The following THSD7B variants were observed in gnomAD, a reference collection of about 807,000 sequenced individuals.
The protein encoded by THSD7B is thrombospondin type-1 domain-containing protein 7B.
Under a neutral mutation model 213.6 loss-of-function variants are expected in THSD7B, and 138 were observed. The observed-to-expected ratio is 0.65, with a 90% CI of 0.56 to 0.74. THSD7B has a LOEUF of 0.74. THSD7B is among the 30% of genes least tolerant of loss of function. The pLI, the probability that THSD7B is intolerant of heterozygous loss-of-function variation, is 0.00. For missense variants in THSD7B, 1,931 were observed against 1,991.5 expected (o/e 0.97, Z 0.58); for synonymous variants, 742 against 687.0 (o/e 1.08, Z -1.25).
intron 7 of THSD7B, among the ~76,000 whole-genome samples, chr2:137,171,244 A>C (rs1386152081): frequency 1.3e-5 from 2 of 152,194 alleles, no homozygotes; most frequent in African/African-American, 2.4e-5. Context: ...ATAGTGTTCA[A>C]CTTATCAATA....
intron 14 of THSD7B, among the ~76,000 whole-genome samples, chr2:137,435,410 C>A (rs569756888): frequency 2.0e-4 from 31 of 152,302 alleles, no homozygotes; most frequent in African/African-American, 7.2e-4. Flanking sequence ...TATTTTAAAT[C>A]TTTTCAGATT....
intron 12 of THSD7B, among the ~76,000 whole-genome samples, chr2:137,392,890 CTTCT>C (rs1438617777): frequency 6.6e-6 from 1 of 151,756 alleles, no homozygotes; most frequent in African/African-American, 2.4e-5. Context: ...CTTTCTCTTC[CTTCT>C]TTGTGTGATT....
chr2:137,026,301 C>T lies in THSD7B; in HGVS notation c.140-30119C>T, dbSNP rs1243676458. The stretch of plus-strand genomic sequence containing the variant: ...ACCTAGATCCCATTTTGGAGGAGTC[C>T]TCTTCTACATCGTTCCCTATAGTTC... On this transcript the variant is annotated intron_variant, in intron 2 of 27. Transcript: ENST00000409968. 2.6e-5 allele frequency among the ~76,000 whole-genome samples: 4 copies of T among 152,240 alleles called. No homozygotes were observed. In the East Asian group the frequency reaches 7.7e-4, roughly 29 times the overall value.
At chr2:137,270,771 A>G (rs984818785) in intron 10 of THSD7B, among the ~76,000 whole-genome samples, 10 of 152,182 alleles carry the variant, frequency 6.6e-5, no homozygotes. Context: ...TTAAGTAACC[A>G]GTAGAGGCAT....
chr2:136,892,201 C>T (rs1323375110), intron 2 of THSD7B, among the ~76,000 whole-genome samples: 1 of 152,014 alleles, frequency 6.6e-6, no homozygotes, highest in Non-Finnish European at 1.5e-5. Context: ...CTTTTTCTGC[C>T]TTCTGTTAGT....
At chr2:137,362,037 G>T (rs562910756) in intron 12 of THSD7B, among the ~76,000 whole-genome samples, 2 of 152,058 alleles carry the variant, frequency 1.3e-5, no homozygotes, top group Non-Finnish European at 2.9e-5. Context: ...GGGATCTCTC[G>T]GTAGAAACTC....
chr2:137,569,720 C>T (rs78570412), intron 16 of THSD7B, among the ~76,000 whole-genome samples: 5,285 of 152,072 alleles, frequency 0.035, 126 homozygotes, highest in Middle Eastern at 0.065. Context: ...ACCAGGAGCC[C>T]GTCTACTTTC....
intron 2 of THSD7B, among the ~76,000 whole-genome samples, chr2:136,891,606 C>A (rs1683861055): frequency 6.6e-6 from 1 of 152,226 alleles, no homozygotes; most frequent in Admixed American, 6.5e-5. Flanking sequence ...GGAGGCTCCG[C>A]TCCCTGTGTC....
chr2:136,788,605 G>A (rs1181914097), intron 1 of THSD7B, among the ~76,000 whole-genome samples: 1 of 152,068 alleles, frequency 6.6e-6, no homozygotes, highest in African/African-American at 2.4e-5. Context: ...GCTATGAATT[G>A]AGAGGAGAAA....
Position 137,056,791 on chromosome 2 carries a change from G to C in THSD7B, c.511G>C (p.Ala171Pro). 1 of 1,613,954 alleles carries C rather than the reference G, an allele frequency of 6.2e-7. No homozygotes were observed. The highest frequency in any genetic ancestry group is 8.5e-7 in the Non-Finnish European group (1 of 1,179,896). The change falls in exon 3 of 28, where the codon GCT (alanine) becomes CCT (proline). Residue 171 changes from alanine (A) to proline (P), a missense_variant. Ala to Pro is a conservative substitution (Grantham distance 27). Transcript: ENST00000409968. ...HFALQPPTEQ[A>P]CLIPCPRDCV... ...TGCCCTTCAGCCTCCTACAGAACAG[G>C]CTTGCCTCATTCCTTGTCCCCGGGA...
rs147582589 is a variant in THSD7B, at chr2:137,042,037, G to A, written c.140-14383G>A. On this transcript the variant is annotated intron_variant, in intron 2 of 27. Coordinates refer to ENST00000409968, the MANE Select transcript of THSD7B (RefSeq NM_001316349.2). ...ATTAAGCCTTGTCACTCTTCTATGG[G>A]ATCTGATCTCATGTCTCAGGACTTT... Among the ~76,000 whole-genome samples, 66 of 152,286 alleles carry A rather than the reference G, an allele frequency of 4.3e-4. No individual in the cohort carries two copies. The East Asian group carries it at 0.012, about 28-fold the overall frequency.
intron 12 of THSD7B, among the ~76,000 whole-genome samples, chr2:137,328,977 G>A (rs575912036): frequency 2.4e-4 from 36 of 152,136 alleles, no homozygotes; most frequent in Non-Finnish European, 4.9e-4. Flanking sequence ...GTTGTTTATA[G>A]CAGTGTGAGA....
At position 137,366,898 on chromosome 2, in the gene THSD7B, C is replaced by G. The variant is rs575849684; in HGVS notation, c.2501-38715C>G. Among the ~76,000 whole-genome samples, 3 of 152,014 alleles carry G rather than the reference C, an allele frequency of 2.0e-5. No homozygotes were observed. The East Asian group carries it at 5.8e-4, about 29-fold the overall frequency. On this transcript the variant is annotated intron_variant, in intron 12 of 27. Transcript: ENST00000409968. ...ATTATACTATTTCCCTTACAAAAAC[C>G]CTTTAAATTATTTCTTTAGTCAACA...
intron 2 of THSD7B, chr2:136,991,019 C>A: frequency 1.8e-6 from 2 of 1,100,400 alleles, no homozygotes; most frequent in African/African-American, 1.6e-5. Context: ...CCTGTCCTCC[C>A]CAAAAAAGGA....
intron 2 of THSD7B, among the ~76,000 whole-genome samples, chr2:136,944,712 CTTT>C (rs146788302): frequency 0.044 from 5,615 of 127,766 alleles, 183 homozygotes; most frequent in African/African-American, 0.089. Flanking sequence ...GCAACCCCTG[CTTT>C]TTTTTTTTTT....
At chr2:137,509,246 T>TTTCC (rs1005170760) in intron 15 of THSD7B, among the ~76,000 whole-genome samples, 284 of 151,884 alleles carry the variant, frequency 1.9e-3, no homozygotes, top group African/African-American at 6.6e-3. Context: ...TTCTTTTCTT[T>TTTCC]TTCCTTCCTT....
At chr2:137,425,582 A>G (rs149306546) in intron 14 of THSD7B, among the ~76,000 whole-genome samples, 1 of 152,342 alleles carries the variant, frequency 6.6e-6, no homozygotes, top group African/African-American at 2.4e-5. Context: ...TTGCATTTAT[A>G]TCAGGTACTT....
intron 12 of THSD7B, among the ~76,000 whole-genome samples, chr2:137,349,728 A>G (rs1280271271): frequency 2.6e-5 from 4 of 151,772 alleles, no homozygotes; most frequent in African/African-American, 9.7e-5. Flanking sequence ...TTCAAACTCT[A>G]TTCTCTCTCA....
intron 3 of THSD7B, among the ~76,000 whole-genome samples, chr2:137,062,139 C>T (rs1687287760): frequency 6.6e-6 from 1 of 151,638 alleles, no homozygotes; most frequent in Non-Finnish European, 1.5e-5. Context: ...TAGAGTTGTT[C>T]ATAATATCCC....
Sources: gnomAD v4.1 joint callset for allele counts (sites outside exome capture counted in the v4.1 genomes callset) on GRCh38, gnomAD v4.1.1 for gene constraint, MANE v1.5 for transcripts, NCBI Gene and HGNC (gene_info 2026-07-23, HGNC 2026-07-21) for gene names.